Variants in TMEM87A observed in about 807,000 individuals in gnomAD.
TMEM87A encodes the protein transmembrane protein 87A, also known as Golgi-pH regulating cation channel.
A neutral mutation model predicts 90.0 loss-of-function variants in TMEM87A; 50 were observed. The observed-to-expected ratio is 0.56, with a 90% confidence interval of 0.44 to 0.70. The LOEUF (loss-of-function observed/expected upper bound fraction) is 0.70. TMEM87A is among the 30% of genes least tolerant of loss of function. The pLI, the probability that TMEM87A is intolerant of heterozygous loss-of-function variation, is 0.00. For missense variants in TMEM87A, 577 were observed against 660.5 expected (o/e 0.87, Z 1.39); for synonymous variants, 226 against 226.7 (o/e 1.00, Z 0.03).
intron 7 of TMEM87A, among the ~76,000 whole-genome samples, chr15:42,243,316 A>AT (rs200725004): frequency 0.2 from 2,632 of 13,144 alleles, 45 homozygotes; most frequent in Non-Finnish European, 0.39. Flanking sequence ...AAATAAATAA[A>AT]AAAAAAGAAA....
At chr15:42,221,707 T>TA (rs1244577635) in intron 15 of TMEM87A, among the ~76,000 whole-genome samples, 4 of 151,196 alleles carry the variant, frequency 2.6e-5, no homozygotes, top group African/African-American at 7.3e-5. Context: ...CCATCTAAAA[T>TA]AAAAAAATTT....
chr15:42,273,438 T>A, upstream of TMEM87A: 1 of 1,610,576 alleles, frequency 6.2e-7, no homozygotes, highest in Non-Finnish European at 8.5e-7. Context: ...CATTTCACCC[T>A]CTTCCGGTTC....
At chr15:42,221,500 C>T (rs2050485235) in intron 15 of TMEM87A, among the ~76,000 whole-genome samples, 1 of 152,072 alleles carries the variant, frequency 6.6e-6, no homozygotes, top group Non-Finnish European at 1.5e-5. Context: ...TATAATCTCC[C>T]TAATTTATTA....
chr15:42,250,150 C>G (rs2051056487), intron 6 of TMEM87A, among the ~76,000 whole-genome samples: 1 of 152,158 alleles, frequency 6.6e-6, no homozygotes, highest in African/African-American at 2.4e-5. Context: ...TATTTTGAAC[C>G]TATGTTTGTC....
chr15:42,256,762 G>T (rs139693337), intron 6 of TMEM87A, among the ~76,000 whole-genome samples: 1 of 152,056 alleles, frequency 6.6e-6, no homozygotes, highest in East Asian at 1.9e-4. Context: ...TGGCTCTATC[G>T]CCTAGAGTGA....
In TMEM87A at chr15:42,264,095, T is replaced by A. The variant is rs1310766141; in HGVS notation, c.400A>T (p.Thr134Ser). ...LFQNCSELFK[T>S]QTFSGDFMHR... is the part of the protein sequence containing the mutation. ...CAATCACTTTCAAAGATTACCTGTG[T>A]TTTAAAGAGTTCACTGCAGTTCTGG... Residue 134 changes from threonine to serine, a missense_variant, in exon 4 of 20, where the codon ACA (threonine) becomes TCA (serine). Transcript: ENST00000389834. The A allele has an allele frequency of 9.9e-6, 16 of 1,610,924 alleles. No individual in the cohort carries two copies. Among genetic ancestry groups the A allele is most frequent in the Non-Finnish European group, 1.3e-5 (15 of 1,178,124 alleles).
intron 19 of TMEM87A, among the ~76,000 whole-genome samples, chr15:42,214,834 A>G (rs2050354307): frequency 6.6e-6 from 1 of 152,224 alleles, no homozygotes; most frequent in Admixed American, 6.5e-5. Flanking sequence ...AGAGCAAAAC[A>G]GACCAATGGG....
At chr15:42,258,179 A>G in intron 6 of TMEM87A, 2 of 975,520 alleles carry the variant, frequency 2.1e-6, no homozygotes, top group Non-Finnish European at 1.2e-6. Context: ...TAACGATGCA[A>G]TACAATATTT....
intron 15 of TMEM87A, among the ~76,000 whole-genome samples, chr15:42,223,238 C>G (rs2050528373): frequency 1.3e-5 from 2 of 152,030 alleles, no homozygotes; most frequent in African/African-American, 4.8e-5. Flanking sequence ...ACAAAAAATA[C>G]AAAGATTAGC....
At chr15:42,263,903 C>A (rs756578690) in intron 4 of TMEM87A, among the ~76,000 whole-genome samples, 187 bp downstream of exon 4, 9 of 152,148 alleles carry the variant, frequency 5.9e-5, no homozygotes, top group Admixed American at 3.3e-4. Context: ...GCTTTTTACA[C>A]ACAAAGCAAA....
chr15:42,242,397 T>C lies in TMEM87A; in HGVS notation c.622+1653A>G, dbSNP rs2050888380. 2.6e-5 allele frequency among the ~76,000 whole-genome samples: 4 copies of C among 152,202 alleles called. No homozygotes were observed. The South Asian group carries it at 8.3e-4, about 32-fold the overall frequency. ...GAAGTAGGGTGGAATAAAGCTTCTCTTCCAGCCTTTTCAAAGAAAGAAGGT... is the reference window on the plus strand; with the variant it reads ...GAAGTAGGGTGGAATAAAGCTTCTCCTCCAGCCTTTTCAAAGAAAGAAGGT... On this transcript the variant is annotated intron_variant, in intron 7 of 19. Coordinates refer to ENST00000389834, the MANE Select transcript of TMEM87A (RefSeq NM_015497.5).
chr15:42,211,138 C>CTTTTTTTTTTTTTTTT lies in TMEM87A; in HGVS notation c.*569_*570insAAAAAAAAAAAAAAAA, dbSNP rs11433755. ...TCTGAATCATACTGTAACAGTTTCT[C>CTTTTTTTTTTTTTTTT]TTTTTTTTTTTTTCTTTTGATCATT... On this transcript the variant is annotated 3_prime_UTR_variant, in exon 20 of 20. Coordinates refer to ENST00000389834, the MANE Select transcript of TMEM87A (RefSeq NM_015497.5). 6.9e-6 allele frequency: 1 copy of CTTTTTTTTTTTTTTTT among 145,286 alleles called. No individual in the cohort carries two copies. 9.0% of individuals were successfully genotyped at this position (145,286 alleles called of 1,614,324 possible). A position where few individuals can be genotyped will look rare whatever the true frequency, so the allele number is the denominator to read the frequency against.
chr15:42,231,324 C>A, intron 11 of TMEM87A, 64 bp from the exon 12 acceptor site: 2 of 1,330,444 alleles, frequency 1.5e-6, no homozygotes, highest in East Asian at 2.7e-5. Flanking sequence ...GAAGAAACCA[C>A]CACATGATTC....
intron 15 of TMEM87A, 57 bp downstream of exon 15, chr15:42,226,749 C>G: frequency 2.1e-6 from 3 of 1,459,698 alleles, no homozygotes; most frequent in Non-Finnish European, 2.9e-6. Context: ...ATGCACCACC[C>G]CTAATTGATG....
intron 15 of TMEM87A, among the ~76,000 whole-genome samples, chr15:42,222,443 A>G (rs1209614638): frequency 2.6e-5 from 4 of 152,204 alleles, no homozygotes; most frequent in Non-Finnish European, 5.9e-5. Context: ...TCCAGATACC[A>G]CAGTTTATCA....
At chr15:42,239,074 C>T (rs2050826701) in intron 8 of TMEM87A, among the ~76,000 whole-genome samples, 1 of 152,092 alleles carries the variant, frequency 6.6e-6, no homozygotes, top group Non-Finnish European at 1.5e-5. Context: ...GAGACAGTTT[C>T]ACTCTGTCGC....
intron 3 of TMEM87A, among the ~76,000 whole-genome samples, chr15:42,267,316 T>G (rs544068939): frequency 9.2e-5 from 14 of 152,338 alleles, no homozygotes; most frequent in African/African-American, 3.1e-4. Context: ...CAAAAAAAGT[T>G]CATTAATATT....
chr15:42,259,483 C>T (rs1182631006), intron 6 of TMEM87A, among the ~76,000 whole-genome samples: 1 of 152,158 alleles, frequency 6.6e-6, no homozygotes, highest in African/African-American at 2.4e-5. Flanking sequence ...CTTTATCTGA[C>T]CTGACTCAGA....
At chr15:42,269,555 A>C (rs1051984702) in intron 2 of TMEM87A, among the ~76,000 whole-genome samples, 1 of 152,204 alleles carries the variant, frequency 6.6e-6, no homozygotes, top group Non-Finnish European at 1.5e-5. Flanking sequence ...CACATCCCCC[A>C]AACAGGAGAC....
Sources: allele counts gnomAD v4.1 joint callset (sites outside exome capture counted in the v4.1 genomes callset), GRCh38; gene constraint gnomAD v4.1.1; transcripts MANE v1.5; gene names NCBI Gene and HGNC (gene_info 2026-07-23, HGNC 2026-07-21).